Variants in VOPP1 observed in about 807,000 individuals in gnomAD.
VOPP1 encodes WW domain binding protein VOPP1.
VOPP1 carries 8 observed loss-of-function variants against 23.5 expected under a neutral mutation model. The ratio of observed to expected loss-of-function variants is 0.34; its 90% confidence interval spans 0.20 to 0.61. The LOEUF is 0.61. VOPP1 is among the 20% of genes least tolerant of loss of function. VOPP1 has a pLI of 0.78. For synonymous variants in VOPP1, 83 were observed against 97.3 expected (o/e 0.85, Z 0.86); for missense variants, 174 against 238.1 (o/e 0.73, Z 1.77).
intron 3 of VOPP1, among the ~76,000 whole-genome samples, chr7:55,494,382 G>T (rs962728974): frequency 1.3e-5 from 2 of 152,110 alleles, no homozygotes; most frequent in African/African-American, 4.8e-5. Context: ...GACCAGGCTC[G>T]CTGGATTGAA....
intron 4 of VOPP1, among the ~76,000 whole-genome samples, chr7:55,460,612 T>A (rs760645190): frequency 6.6e-6 from 1 of 152,232 alleles, no homozygotes; most frequent in Non-Finnish European, 1.5e-5. Context: ...AGCATTGTTA[T>A]AGGTTGGTGC....
intron 1 of VOPP1, among the ~76,000 whole-genome samples, chr7:55,554,363 A>C (rs1475419607): frequency 6.6e-6 from 1 of 152,176 alleles, no homozygotes. Context: ...GGTGGCTGGA[A>C]TTTTTCCCAT....
intron 3 of VOPP1, among the ~76,000 whole-genome samples, chr7:55,495,496 A>C (rs1793888597): frequency 6.6e-6 from 1 of 152,088 alleles, no homozygotes; most frequent in Admixed American, 6.5e-5. Flanking sequence ...CACTCTTCTT[A>C]CACTCTGGCC....
chr7:55,500,884 C>T (rs1794319058), intron 2 of VOPP1, among the ~76,000 whole-genome samples: 1 of 152,248 alleles, frequency 6.6e-6, no homozygotes, highest in South Asian at 2.1e-4. Flanking sequence ...TGCACAGATG[C>T]TGCCTCTCCA....
At chr7:55,474,944 C>A (rs796455857) in intron 4 of VOPP1, among the ~76,000 whole-genome samples, 1 of 152,158 alleles carries the variant, frequency 6.6e-6, no homozygotes, top group African/African-American at 2.4e-5. Context: ...GATGTTCTCT[C>A]CCCAGCTGAA....
At chr7:55,530,272 A>G (rs907354201) in intron 1 of VOPP1, among the ~76,000 whole-genome samples, 2 of 152,156 alleles carry the variant, frequency 1.3e-5, no homozygotes, top group African/African-American at 2.4e-5. Context: ...CTGTTTTTTG[A>G]TATTAGCCAT....
chr7:55,560,612 G>A (rs1357205317), intron 1 of VOPP1, among the ~76,000 whole-genome samples: 1 of 152,176 alleles, frequency 6.6e-6, no homozygotes, highest in Non-Finnish European at 1.5e-5. Context: ...CCCACTGAGA[G>A]CCATTTAGGA....
chr7:55,517,353 T>C lies in VOPP1; in HGVS notation c.113+3719A>G, dbSNP rs921644607. On this transcript the variant is annotated intron_variant, in intron 2 of 4. Coordinates refer to ENST00000285279, the MANE Select transcript of VOPP1 (RefSeq NM_030796.5). Reference sequence around the variant, plus strand: ...GCATGAGGCATAGGTACCTTCCCTGTCCTGCACACCACAACGCACCACAAC... The same window carrying C: ...GCATGAGGCATAGGTACCTTCCCTGCCCTGCACACCACAACGCACCACAAC... Among the ~76,000 whole-genome samples the C allele has an allele frequency of 2.0e-5, 3 of 152,174 alleles. No homozygotes were observed. The South Asian group carries it at 6.2e-4, about 32-fold the overall frequency.
intron 1 of VOPP1, among the ~76,000 whole-genome samples, chr7:55,562,848 C>T (rs965788682): frequency 4.6e-5 from 7 of 152,160 alleles, no homozygotes; most frequent in African/African-American, 1.7e-4. Context: ...TTTTTGTCAA[C>T]GCACGCCTTG....
intron 2 of VOPP1, among the ~76,000 whole-genome samples, chr7:55,518,552 G>T (rs953516800): frequency 6.6e-6 from 1 of 152,168 alleles, no homozygotes; most frequent in Admixed American, 6.5e-5. Context: ...CTTTTATGGG[G>T]ACAGGGAACT....
intron 1 of VOPP1, chr7:55,537,550 G>C: frequency 6.5e-7 from 1 of 1,536,014 alleles, no homozygotes; most frequent in Non-Finnish European, 8.7e-7. Flanking sequence ...AAGGATGCAG[G>C]CAGCGCACCT....
At chr7:55,516,096 G>C (rs759332162) in intron 2 of VOPP1, 24 of 812,972 alleles carry the variant, frequency 3.0e-5, no homozygotes, top group Non-Finnish European at 3.4e-5. Context: ...ACAGCCACTT[G>C]CTATTTTTAA....
At position 55,562,836 on chromosome 7, in the gene VOPP1, A is replaced by G. The variant is rs564691312; in HGVS notation, c.54+9435T>C. ...CCAACCAAAGTTTGGTCAAGGGGAG[A>G]GTTTTTGTCAACGCACGCCTTGCAT... is the stretch of plus-strand genomic sequence containing the variant. On this transcript the variant is annotated intron_variant, in intron 1 of 4. Coordinates refer to ENST00000285279, the MANE Select transcript of VOPP1 (RefSeq NM_030796.5). Among the ~76,000 whole-genome samples, 3 of 152,236 alleles carry G rather than the reference A, an allele frequency of 2.0e-5. No individual in the cohort carries two copies. The South Asian group carries it at 6.2e-4, about 32-fold the overall frequency.
At chr7:55,450,321 T>C (rs1791211825) in intron 4 of VOPP1, among the ~76,000 whole-genome samples, 1 of 100,830 alleles carries the variant, frequency 9.9e-6, no homozygotes, top group African/African-American at 4.2e-5. Flanking sequence ...ATTTCAGGGC[T>C]GACCACCCAG....
intron 2 of VOPP1, 39 bp downstream of exon 2, chr7:55,521,033 G>T: frequency 6.5e-7 from 1 of 1,546,132 alleles, no homozygotes; most frequent in Non-Finnish European, 8.8e-7. Flanking sequence ...AGAAAGGTAT[G>T]GCCACAGAAT....
intron 1 of VOPP1, chr7:55,571,971 G>A (rs964752402): frequency 5.5e-4 from 189 of 344,730 alleles, no homozygotes; most frequent in Middle Eastern, 3.2e-3. Flanking sequence ...GGCGGACGGT[G>A]CACAAAGGTC....
intron 2 of VOPP1, among the ~76,000 whole-genome samples, chr7:55,498,955 T>C (rs1366858840): frequency 2.0e-5 from 3 of 152,028 alleles, no homozygotes; most frequent in Non-Finnish European, 2.9e-5. Context: ...AAATCCTCTA[T>C]TGTTTCAAGG....
intron 2 of VOPP1, among the ~76,000 whole-genome samples, chr7:55,520,076 C>T (rs1038208673): frequency 4.6e-5 from 7 of 151,986 alleles, no homozygotes; most frequent in African/African-American, 1.5e-4. Flanking sequence ...TGCAGTGAGC[C>T]GAGATTGCAC....
At chr7:55,551,193 T>G (rs530982668) in intron 1 of VOPP1, among the ~76,000 whole-genome samples, 1 of 152,328 alleles carries the variant, frequency 6.6e-6, no homozygotes, top group Admixed American at 6.5e-5. Context: ...AGCAAGGCAC[T>G]CCAGGCTGTC....
Sources: allele counts gnomAD v4.1 joint callset (sites outside exome capture counted in the v4.1 genomes callset), GRCh38; gene constraint gnomAD v4.1.1; transcripts MANE v1.5; gene names NCBI Gene and HGNC (gene_info 2026-07-23, HGNC 2026-07-21).